The following AK5 variants were observed in gnomAD, a reference collection of about 807,000 sequenced individuals.
AK5 encodes adenylate kinase isoenzyme 5.
Under a neutral mutation model 69.5 loss-of-function variants are expected in AK5, and 27 were observed. The observed-to-expected ratio is 0.39, with a 90% CI of 0.29 to 0.54. AK5 has a LOEUF of 0.54. Among genes scored for constraint, AK5 ranks in the 20% least tolerant of loss-of-function variants. The pLI, the probability that AK5 is intolerant of heterozygous loss-of-function variation, is 0.71. For missense variants in AK5, 531 were observed against 700.4 expected, an observed-to-expected ratio of 0.76 and a Z score of 2.73; for synonymous variants, 260 against 244.4, an observed-to-expected ratio of 1.06 and a Z score of -0.60.
At chr1:77,351,768 A>G (rs946238115) in intron 6 of AK5, among the ~76,000 whole-genome samples, 3 of 152,192 alleles carry the variant, frequency 2.0e-5, no homozygotes, top group Non-Finnish European at 4.4e-5. Context: ...GGGAGGCTGC[A>G]AAACGGAGTT....
chr1:77,459,164 C>T (rs962112510), intron 8 of AK5, among the ~76,000 whole-genome samples: 5 of 152,130 alleles, frequency 3.3e-5, no homozygotes, highest in East Asian at 1.9e-4. Flanking sequence ...CACTTTTCTC[C>T]GAAGGACTCA....
intron 12 of AK5, among the ~76,000 whole-genome samples, chr1:77,531,510 C>T (rs1242617849): frequency 6.6e-6 from 1 of 152,186 alleles, no homozygotes; most frequent in African/African-American, 2.4e-5. Context: ...TTCTCCAAGT[C>T]CCCACCAGAG....
chr1:77,337,840 G>C (rs73004429), intron 5 of AK5, among the ~76,000 whole-genome samples: 10,228 of 152,236 alleles, frequency 0.067, 430 homozygotes, highest in Non-Finnish European at 0.085. Context: ...GCAGATTCTA[G>C]ATTCAAACTC....
rs898390608 is a variant in AK5, at chr1:77,293,743, G to A, written c.248-50G>A. 5 of 1,488,584 alleles carry A rather than the reference G, an allele frequency of 3.4e-6. No individual in the cohort carries two copies. In the African/African-American group the frequency reaches 7.1e-5, roughly 21 times the overall value. 92.2% of individuals were successfully genotyped at this position (1,488,584 alleles called of 1,614,324 possible). ...TACTAACTGTTTAAGTGTGAAGAGT[G>A]TTTTATTATGGTGTTTTTTCCTTTT... On this transcript the variant is annotated intron_variant, in intron 2 of 13. Coordinates refer to ENST00000354567, the MANE Select transcript of AK5 (RefSeq NM_174858.3).
chr1:77,500,919 C>T (rs1656681603), intron 10 of AK5, among the ~76,000 whole-genome samples: 1 of 152,034 alleles, frequency 6.6e-6, no homozygotes, highest in Admixed American at 6.6e-5. Flanking sequence ...ATAATCTGTT[C>T]AGTGAAGCCA....
intron 6 of AK5, among the ~76,000 whole-genome samples, chr1:77,347,429 A>G (rs1480183863): frequency 5.3e-5 from 8 of 152,180 alleles, no homozygotes; most frequent in Admixed American, 5.2e-4. Context: ...TGCCGTTCTC[A>G]GAAAAGTCCT....
chr1:77,410,184 A>T (rs1040865636), intron 6 of AK5, among the ~76,000 whole-genome samples: 2 of 152,002 alleles, frequency 1.3e-5, no homozygotes, highest in Admixed American at 6.6e-5. Flanking sequence ...TAAATCTATA[A>T]TTTTTGTTAT....
chr1:77,475,195 A>ATGTG (rs756205351), intron 8 of AK5, among the ~76,000 whole-genome samples: 142 of 29,052 alleles, frequency 4.9e-3, no homozygotes, highest in African/African-American at 0.017. Flanking sequence ...ATATATATAT[A>ATGTG]TGTGTGTGTG....
chr1:77,522,886 C>T (rs1053352836), intron 12 of AK5, among the ~76,000 whole-genome samples: 5 of 151,896 alleles, frequency 3.3e-5, no homozygotes, highest in African/African-American at 1.2e-4. Flanking sequence ...ACAGTTTTCT[C>T]GTTTTTTTTT....
rs1489144221 is a variant in AK5 at position 77,345,021 on chromosome 1, GTA to G, written c.891+4457_891+4458del. Among the ~76,000 whole-genome samples the G allele has an allele frequency of 8.0e-5, 12 of 150,592 alleles. No individual in the cohort carries two copies. In the East Asian group the frequency reaches 1.4e-3, roughly 17 times the overall value. ...AAAAAAAAAAAAGCTCAGATGCAAT[GTA>G]TATGTTATTTTTTCCAGAATGCATT... On this transcript the variant is annotated intron_variant, in intron 6 of 13. Transcript: ENST00000354567.
At chr1:77,358,018 T>TGTGTGTGTGTGAGAGAGA (rs762714026) in intron 6 of AK5, among the ~76,000 whole-genome samples, 5,595 of 128,126 alleles carry the variant, frequency 0.044, 194 homozygotes, top group East Asian at 0.13. Flanking sequence ...TGTGTGTGTG[T>TGTGTGTGTGTGAGAGAGA]GAGAGAGAGA....
At chr1:77,531,431 TC>T (rs751622312) in intron 12 of AK5, among the ~76,000 whole-genome samples, 16 of 152,044 alleles carry the variant, frequency 1.1e-4, no homozygotes, top group Non-Finnish European at 2.1e-4. Context: ...GCGTTTACAA[TC>T]CCTGAGCTAG....
chr1:77,302,189 G>A (rs182159115), intron 5 of AK5, among the ~76,000 whole-genome samples: 9 of 150,120 alleles, frequency 6.0e-5, no homozygotes, highest in African/African-American at 2.2e-4. Flanking sequence ...GTGAGCCACT[G>A]CAACTGGCTG....
intron 5 of AK5, among the ~76,000 whole-genome samples, chr1:77,316,728 TA>T (rs764146137): frequency 2.6e-5 from 4 of 152,256 alleles, no homozygotes; most frequent in Non-Finnish European, 5.9e-5. Context: ...AGCTTGTTTA[TA>T]ATTATTTAAT....
At chr1:77,337,589 A>G (rs1423666902) in intron 5 of AK5, among the ~76,000 whole-genome samples, 1 of 152,204 alleles carries the variant, frequency 6.6e-6, no homozygotes, top group Non-Finnish European at 1.5e-5. Flanking sequence ...TATGAATTTT[A>G]TAACATAATA....
Position 77,391,525 on chromosome 1 carries a change from A to ATATATATG in AK5, c.892-19453_892-19452insATATGTAT, listed in dbSNP as rs146163792. 8.7e-3 allele frequency among the ~76,000 whole-genome samples: 1,055 copies of ATATATATG among 121,584 alleles called. 15 individuals are homozygous for ATATATATG. The highest frequency in any genetic ancestry group is 0.012 in the Non-Finnish European group (723 of 57,906). 79.8% of individuals were successfully genotyped at this position (121,584 alleles called of 152,430 possible). ...TATATATATATATATATATATATAT[A>ATATATATG]TATCTCCTCAGGCTGTTGTTGCAGT... is the stretch of plus-strand genomic sequence containing the variant. On this transcript the variant is annotated intron_variant, in intron 6 of 13. Transcript: ENST00000354567.
intron 5 of AK5, among the ~76,000 whole-genome samples, chr1:77,303,955 A>C (rs1211042827): frequency 1.3e-5 from 2 of 152,232 alleles, no homozygotes; most frequent in Non-Finnish European, 2.9e-5. Flanking sequence ...TAAGCACATC[A>C]TGAAGAATGG....
chr1:77,526,545 G>T (rs1658302964), intron 12 of AK5, among the ~76,000 whole-genome samples: 1 of 125,200 alleles, frequency 8.0e-6, no homozygotes, highest in Non-Finnish European at 1.6e-5. Flanking sequence ...GTGCGATCTT[G>T]GCTCACTGCA....
chr1:77,333,874 G>A (rs72641176), intron 5 of AK5, among the ~76,000 whole-genome samples: 20,586 of 152,114 alleles, frequency 0.14, 1,624 homozygotes, highest in East Asian at 0.37. Flanking sequence ...TTTTACAGTG[G>A]TAAAGGTACA....
Sources: gnomAD v4.1 joint callset for allele counts (sites outside exome capture counted in the v4.1 genomes callset) on GRCh38, gnomAD v4.1.1 for gene constraint, MANE v1.5 for transcripts, NCBI Gene and HGNC (gene_info 2026-07-23, HGNC 2026-07-21) for gene names.